The following ZFPM2 variants were observed in gnomAD, a reference collection of about 807,000 sequenced individuals.
The protein encoded by ZFPM2 is zinc finger protein ZFPM2.
In ZFPM2, 20 loss-of-function variants were observed where a neutral mutation model predicts 98.6. The observed-to-expected ratio is 0.20, with a 90% CI of 0.14 to 0.29. The LOEUF (loss-of-function observed/expected upper bound fraction) is 0.29. ZFPM2 is among the 10% of genes least tolerant of loss of function. The pLI, the probability that ZFPM2 is intolerant of heterozygous loss-of-function variation, is 1.00. For synonymous variants in ZFPM2, 518 were observed against 502.7 expected (o/e 1.03, Z -0.41); for missense variants, 1,310 against 1,388.6 (o/e 0.94, Z 0.90).
chr8:105,374,212 C>T (rs554221245), intron 1 of ZFPM2, among the ~76,000 whole-genome samples: 1 of 152,156 alleles, frequency 6.6e-6, no homozygotes, highest in East Asian at 1.9e-4. Context: ...CAAGAAATCC[C>T]CACATAGTAA....
rs113833037 is a variant in ZFPM2 at position 105,352,614 on chromosome 8, C to T, written c.40+33633C>T. On this transcript the variant is annotated intron_variant, in intron 1 of 7. Coordinates refer to ENST00000407775, the MANE Select transcript of ZFPM2 (RefSeq NM_012082.4). The stretch of plus-strand genomic sequence containing the variant: ...TTTTTTTTTTTTACCTGTCTTTGAC[C>T]CTTTTATTATCTGGATCTGCTGATT... 9.3e-3 allele frequency among the ~76,000 whole-genome samples: 1,408 copies of T among 151,438 alleles called. 21 individuals carry two copies. The highest frequency in any genetic ancestry group is 0.033 in the African/African-American group (1,342 of 41,258).
At chr8:105,428,128 A>T (rs1020398455) in intron 2 of ZFPM2, among the ~76,000 whole-genome samples, 1 of 152,218 alleles carries the variant, frequency 6.6e-6, no homozygotes, top group Non-Finnish European at 1.5e-5. Flanking sequence ...CCACTATTAT[A>T]TAACTCTTGT....
intron 3 of ZFPM2, among the ~76,000 whole-genome samples, chr8:105,551,975 T>TA (rs372204323): frequency 8.9e-4 from 135 of 152,300 alleles, no homozygotes; most frequent in Admixed American, 1.8e-3. Context: ...TATCTTCTTC[T>TA]AAATTAACGA....
At chr8:105,626,506 G>A (rs558852015) in intron 4 of ZFPM2, among the ~76,000 whole-genome samples, 17 of 152,226 alleles carry the variant, frequency 1.1e-4, no homozygotes, top group South Asian at 6.2e-4. Context: ...GTCAAATCGC[G>A]TACAGCACCA....
intron 3 of ZFPM2, among the ~76,000 whole-genome samples, chr8:105,547,477 G>A (rs1244953870): frequency 6.9e-6 from 1 of 144,274 alleles, no homozygotes; most frequent in East Asian, 2.1e-4. Flanking sequence ...GGGAGGCGGA[G>A]GTTGCAGTGA....
At chr8:105,323,759 G>C (rs1563603631) in intron 1 of ZFPM2, among the ~76,000 whole-genome samples, 2 of 151,832 alleles carry the variant, frequency 1.3e-5, no homozygotes, top group Non-Finnish European at 3.0e-5. Flanking sequence ...TAGTCATGAA[G>C]TTAGGTTTTT....
intron 3 of ZFPM2, among the ~76,000 whole-genome samples, chr8:105,516,517 C>T (rs992217404): frequency 1.3e-5 from 2 of 152,084 alleles, no homozygotes; most frequent in African/African-American, 4.8e-5. Context: ...TAAAATATTT[C>T]TATTTTTAGT....
intron 3 of ZFPM2, among the ~76,000 whole-genome samples, chr8:105,498,043 A>C (rs1317781830): frequency 2.0e-5 from 3 of 149,260 alleles, no homozygotes; most frequent in African/African-American, 4.9e-5. Flanking sequence ...AAAAAAAAAA[A>C]AAACAAAATC....
intron 5 of ZFPM2, among the ~76,000 whole-genome samples, chr8:105,706,215 A>G (rs1811256213): frequency 6.6e-6 from 1 of 152,182 alleles, no homozygotes; most frequent in Admixed American, 6.5e-5. Context: ...AAGTTATGAA[A>G]TAATTCAAAT....
At chr8:105,587,651 A>G (rs550513663) in intron 4 of ZFPM2, among the ~76,000 whole-genome samples, 2 of 152,194 alleles carry the variant, frequency 1.3e-5, no homozygotes, top group South Asian at 2.1e-4. Context: ...TTGCATTTCT[A>G]TAAAGCACAA....
At chr8:105,797,855 A>T (rs982003190) in intron 6 of ZFPM2, among the ~76,000 whole-genome samples, 9 of 152,190 alleles carry the variant, frequency 5.9e-5, no homozygotes, top group Admixed American at 6.5e-5. Context: ...CATTCCTCAG[A>T]TACCTCCATC....
intron 3 of ZFPM2, among the ~76,000 whole-genome samples, chr8:105,482,995 T>TTTCCTTCCTTCGTTCCTTCC (rs1813152995): frequency 1.9e-5 from 1 of 51,406 alleles, no homozygotes; most frequent in Non-Finnish European, 3.4e-5. Flanking sequence ...CCCCCCATCC[T>TTTCCTTCCTTCGTTCCTTCC]TTCCTTCCTT....
chr8:105,540,388 T>C, intron 3 of ZFPM2, among the ~76,000 whole-genome samples: 1 of 152,198 alleles, frequency 6.6e-6, no homozygotes, highest in Non-Finnish European at 1.5e-5. Context: ...ATAACCTGCT[T>C]CATATGGTTT....
chr8:105,649,557 C>T (rs905222438), intron 5 of ZFPM2, among the ~76,000 whole-genome samples: 1 of 152,176 alleles, frequency 6.6e-6, no homozygotes, highest in Non-Finnish European at 1.5e-5. Context: ...TACGTCCCAT[C>T]AATACCTAAT....
At chr8:105,333,861 A>C (rs1427957320) in intron 1 of ZFPM2, among the ~76,000 whole-genome samples, 1 of 151,666 alleles carries the variant, frequency 6.6e-6, no homozygotes, top group Non-Finnish European at 1.5e-5. Context: ...TAGATATTAG[A>C]TATGTTTTTC....
intron 3 of ZFPM2, among the ~76,000 whole-genome samples, chr8:105,489,448 T>TATATATATATATATATATATATATATA (rs1489973438): frequency 2.8e-5 from 3 of 108,818 alleles, no homozygotes; most frequent in African/African-American, 1.2e-4. Context: ...ATATATGTTT[T>TATATATATATATATATATATATATATA]TATATATATA....
At chr8:105,798,000 A>G (rs1188227505) in intron 6 of ZFPM2, 3 of 152,186 alleles carry the variant, frequency 2.0e-5, no homozygotes, top group Non-Finnish European at 4.4e-5. Flanking sequence ...TTGGGCACAT[A>G]GTAGCCACTC....
At chr8:105,568,059 A>T (rs767078071) in intron 4 of ZFPM2, among the ~76,000 whole-genome samples, 6 of 151,964 alleles carry the variant, frequency 3.9e-5, no homozygotes, top group Non-Finnish European at 8.8e-5. Context: ...TTCCCAAAAC[A>T]CTTCTGGCCT....
At chr8:105,593,981 C>T (rs986792913) in intron 4 of ZFPM2, among the ~76,000 whole-genome samples, 1 of 152,132 alleles carries the variant, frequency 6.6e-6, no homozygotes, top group Non-Finnish European at 1.5e-5. Flanking sequence ...CTCTGCTGAC[C>T]TTACCATAAT....
Sources: gnomAD v4.1 joint callset for allele counts (sites outside exome capture counted in the v4.1 genomes callset) on GRCh38, gnomAD v4.1.1 for gene constraint, MANE v1.5 for transcripts, NCBI Gene and HGNC (gene_info 2026-07-23, HGNC 2026-07-21) for gene names.